AHCYL2: variants seen among roughly 807,000 people sequenced by gnomAD.
AHCYL2 encodes the protein adenosylhomocysteinase like 2, also known as S-adenosylhomocysteine hydrolase-like protein 2.
Under a neutral mutation model 81.4 loss-of-function variants are expected in AHCYL2, and 28 were observed. The observed-to-expected ratio is 0.34, with a 90% CI of 0.25 to 0.47. The LOEUF is 0.47. AHCYL2 is among the 20% of genes least tolerant of loss of function. The pLI is 1.00. For synonymous variants in AHCYL2, 272 were observed against 290.2 expected (o/e 0.94, Z 0.64); for missense variants, 551 against 785.1 (o/e 0.70, Z 3.56).
In AHCYL2 at chr7:129,428,452, G is replaced by A. The variant is rs1305420995; in HGVS notation, c.*1407G>A. The A allele has an allele frequency of 6.6e-6, 1 of 152,192 alleles. No homozygotes were observed. The highest frequency in any genetic ancestry group is 1.5e-5 in the Non-Finnish European group (1 of 68,036). 9.4% of individuals were successfully genotyped at this position (152,192 alleles called of 1,614,324 possible). A position where few individuals can be genotyped will look rare whatever the true frequency, so the allele number is the denominator to read the frequency against. On this transcript the variant is annotated 3_prime_UTR_variant, in exon 17 of 17. Coordinates refer to ENST00000325006, the MANE Select transcript of AHCYL2 (RefSeq NM_015328.4). ...CAGGCATTTCATTAGGACCAGATTG[G>A]TTCTAAGAGTTAGTCTGGACTGGCC...
chr7:129,267,477 G>A (rs1353222087), intron 1 of AHCYL2, among the ~76,000 whole-genome samples: 1 of 151,928 alleles, frequency 6.6e-6, no homozygotes, highest in Non-Finnish European at 1.5e-5. Context: ...GCTAATTTTT[G>A]TATTTTTAGT....
At chr7:129,260,548 A>G (rs1285618013) in intron 1 of AHCYL2, among the ~76,000 whole-genome samples, 1 of 152,152 alleles carries the variant, frequency 6.6e-6, no homozygotes, top group East Asian at 1.9e-4. Flanking sequence ...TATCAGCATC[A>G]CTTGTAAGAG....
intron 1 of AHCYL2, among the ~76,000 whole-genome samples, chr7:129,312,330 C>G (rs1007931919): frequency 2.0e-5 from 3 of 152,234 alleles, no homozygotes; most frequent in Admixed American, 6.5e-5. Context: ...AAGTGATCCT[C>G]CTGCTTCAGC....
rs1477364656 is a variant in AHCYL2 at position 129,419,876 on chromosome 7, G to A, written c.1462-2964G>A. ...AGTCTGCACAGGAATCCCTTTTCCC[G>A]GTAGGTTGTTTAGTGATTATAGGTC... is the stretch of plus-strand genomic sequence containing the variant. On this transcript the variant is annotated intron_variant, in intron 12 of 16. Transcript: ENST00000325006. The surrounding 1 kb of genome is among the most constrained non-coding windows in gnomAD (Gnocchi z 4.7). Among the ~76,000 whole-genome samples the A allele has an allele frequency of 6.6e-6, 1 of 152,140 alleles. No homozygotes were observed. Among genetic ancestry groups the A allele is most frequent in the Non-Finnish European group, 1.5e-5 (1 of 68,034 alleles).
chr7:129,284,444 A>G (rs1451831667), intron 1 of AHCYL2, among the ~76,000 whole-genome samples: 1 of 151,830 alleles, frequency 6.6e-6, no homozygotes, highest in Non-Finnish European at 1.5e-5. Context: ...AATAAAAATA[A>G]AAAAATTAGC....
intron 1 of AHCYL2, among the ~76,000 whole-genome samples, chr7:129,251,754 A>G (rs1212858336): frequency 6.6e-6 from 1 of 152,164 alleles, no homozygotes; most frequent in Non-Finnish European, 1.5e-5. Context: ...GCTTGATATA[A>G]TGGTAACTCA....
At chr7:129,358,092 A>T (rs1277268827) in intron 1 of AHCYL2, among the ~76,000 whole-genome samples, 7 of 151,900 alleles carry the variant, frequency 4.6e-5, no homozygotes, top group Non-Finnish European at 7.4e-5. Flanking sequence ...ATGGAATATT[A>T]TTCAGCTTTA....
chr7:129,421,601 C>G (rs984553444), intron 12 of AHCYL2, among the ~76,000 whole-genome samples: 48 of 152,182 alleles, frequency 3.2e-4, no homozygotes, highest in African/African-American at 1.2e-3. Context: ...ATTTATGAAA[C>G]TTGACATTTC....
intron 2 of AHCYL2, among the ~76,000 whole-genome samples, chr7:129,384,963 GA>G (rs1290960309): frequency 6.6e-6 from 1 of 151,910 alleles, no homozygotes; most frequent in Non-Finnish European, 1.5e-5. Flanking sequence ...TTCCCCTAAG[GA>G]AAAAAACCTC....
chr7:129,422,397 T>C (rs1201266912), intron 12 of AHCYL2, among the ~76,000 whole-genome samples: 1 of 152,234 alleles, frequency 6.6e-6, no homozygotes, highest in Non-Finnish European at 1.5e-5. Flanking sequence ...TTCCTCCTTT[T>C]TTTCTTTGTT....
intron 1 of AHCYL2, among the ~76,000 whole-genome samples, chr7:129,373,459 G>C (rs10954229): frequency 6.6e-6 from 1 of 151,714 alleles, no homozygotes; most frequent in Non-Finnish European, 1.5e-5. Context: ...AACTAGCCAG[G>C]CGTGGTGGCA....
intron 1 of AHCYL2, among the ~76,000 whole-genome samples, chr7:129,338,024 A>G (rs1459699495): frequency 2.0e-5 from 3 of 151,738 alleles, no homozygotes; most frequent in Non-Finnish European, 4.4e-5. Context: ...GATTACAGGT[A>G]TGAGCCACCG....
intron 1 of AHCYL2, among the ~76,000 whole-genome samples, chr7:129,283,994 A>AT (rs1205874776): frequency 3.9e-5 from 6 of 152,132 alleles, no homozygotes; most frequent in East Asian, 3.8e-4. Flanking sequence ...CAATGGAGTC[A>AT]TTTTTTTAAA....
At chr7:129,330,321 G>C (rs1798372930) in intron 1 of AHCYL2, among the ~76,000 whole-genome samples, 1 of 152,038 alleles carries the variant, frequency 6.6e-6, no homozygotes, top group Admixed American at 6.5e-5. Context: ...GTTTGTAATA[G>C]TGAAAAATGG....
At chr7:129,303,698 T>C (rs1430545906) in intron 1 of AHCYL2, among the ~76,000 whole-genome samples, 1 of 152,258 alleles carries the variant, frequency 6.6e-6, no homozygotes, top group East Asian at 1.9e-4. Flanking sequence ...TTGGGTTTGG[T>C]TGGGTCTTGC....
In AHCYL2 at chr7:129,368,270, A is replaced by G; in HGVS notation, c.364-11368A>G. On this transcript the variant is annotated intron_variant, in intron 1 of 16. Transcript: ENST00000325006. The surrounding 1 kb of genome is among the most constrained non-coding windows in gnomAD (Gnocchi z 4.4). ...GCATCAGCTCTGATTTTGAAATCAG[A>G]CACAGAAGGCTTTGAAGCCGGCCAG... 7.1e-7 allele frequency: 1 copy of G among 1,407,602 alleles called. No homozygotes were observed. The highest frequency in any genetic ancestry group is 9.2e-7 in the Non-Finnish European group (1 of 1,082,520). The allele number at this position is 1,407,602 out of a possible 1,614,324, so 87.2% of individuals were successfully genotyped here. A position where few individuals can be genotyped will look rare whatever the true frequency, so the allele number is the denominator to read the frequency against.
rs1332502965 is a variant in AHCYL2 at position 129,429,848 on chromosome 7, CAG to C, written c.*2805_*2806del. On this transcript the variant is annotated 3_prime_UTR_variant, in exon 17 of 17. Transcript: ENST00000325006. ...TTATGCTGCTTCGCTTTTCTCTAAA[CAG>C]ATCTGATATTGCTGCTCCTGTGGTT... The C allele has an allele frequency of 1.3e-5, 2 of 152,604 alleles. No homozygotes were observed. The highest frequency in any genetic ancestry group is 4.8e-5 in the African/African-American group (2 of 41,434). The allele number at this position is 152,604 out of a possible 1,614,324, so 9.5% of individuals were successfully genotyped here.
At position 129,368,615 on chromosome 7, in the gene AHCYL2, A is replaced by AC; in HGVS notation, c.364-11022dup. On this transcript the variant is annotated intron_variant, in intron 1 of 16. Transcript: ENST00000325006. The surrounding 1 kb of genome is among the most constrained non-coding windows in gnomAD (Gnocchi z 4.4). ...TGATAATGAGAGGCAACCATTTCTG[A>AC]CGGGTGACAAGGATCACCTCTGAGA... 1 of 1,585,664 alleles carries AC rather than the reference A, an allele frequency of 6.3e-7. No homozygotes were observed. Among genetic ancestry groups the AC allele is most frequent in the South Asian group, 1.1e-5 (1 of 90,476 alleles).
chr7:129,351,244 T>C (rs1037613354), intron 1 of AHCYL2, among the ~76,000 whole-genome samples: 9 of 152,178 alleles, frequency 5.9e-5, no homozygotes, highest in Admixed American at 1.3e-4. Context: ...TAACAACTTA[T>C]TGGATGATAG....
Sources: allele counts gnomAD v4.1 joint callset (sites outside exome capture counted in the v4.1 genomes callset), GRCh38; gene constraint gnomAD v4.1.1; non-coding constraint Gnocchi (gnomAD v3.1); transcripts MANE v1.5; gene names NCBI Gene and HGNC (gene_info 2026-07-23, HGNC 2026-07-21).